Variants in SEMA3A observed in about 807,000 individuals in gnomAD.
SEMA3A encodes semaphorin 3A, also known as semaphorin-3A.
A neutral mutation model predicts 97.9 loss-of-function variants in SEMA3A; 29 were observed. The observed-to-expected ratio is 0.30, with a 90% CI of 0.22 to 0.40. The LOEUF (loss-of-function observed/expected upper bound fraction) is 0.40, where lower values mean the gene tolerates loss of function less well. Ranked by LOEUF, SEMA3A falls within the 10% of genes least tolerant of loss-of-function variation. SEMA3A has a pLI of 1.00. For synonymous variants in SEMA3A, 321 were observed against 323.7 expected (o/e 0.99, Z 0.09); for missense variants, 763 against 951.3 (o/e 0.80, Z 2.60).
intron 3 of SEMA3A, among the ~76,000 whole-genome samples, chr7:84,278,665 G>A (rs1800368953): frequency 3.3e-5 from 5 of 152,042 alleles, no homozygotes; most frequent in Admixed American, 3.3e-4. Context: ...AGGGCAGGCA[G>A]AGCACATGGT....
chr7:84,386,521 G>T (rs917435676), intron 1 of SEMA3A, among the ~76,000 whole-genome samples: 1 of 152,026 alleles, frequency 6.6e-6, no homozygotes, highest in Admixed American at 6.6e-5. Context: ...AATTGTAAGG[G>T]TATCTAAGAA....
rs892503941 is a variant in SEMA3A, at chr7:83,988,864, T to A, written c.1453-3387A>T. 6.6e-5 allele frequency among the ~76,000 whole-genome samples: 10 copies of A among 150,942 alleles called. No individual in the cohort carries two copies. The East Asian group carries it at 7.8e-4, about 12-fold the overall frequency. ...CAACACATCATGGATATTCAGCTTT[T>A]TTTTTTTTTTTTTCTGACAGAGTCT... On this transcript the variant is annotated intron_variant, in intron 12 of 16. Transcript: ENST00000265362.
chr7:84,130,155 G>T (rs959985052), intron 2 of SEMA3A, among the ~76,000 whole-genome samples: 1 of 151,918 alleles, frequency 6.6e-6, no homozygotes, highest in Non-Finnish European at 1.5e-5. Context: ...TGGGAAAAAA[G>T]TCATATATAA....
chr7:84,371,921 A>G (rs1290947445), intron 1 of SEMA3A: 4 of 152,066 alleles, frequency 2.6e-5, no homozygotes, highest in African/African-American at 9.7e-5. Flanking sequence ...AAGCAAACAA[A>G]TAATTTATAA....
At chr7:84,127,095 A>G (rs146610480) in intron 3 of SEMA3A, among the ~76,000 whole-genome samples, 1 of 152,106 alleles carries the variant, frequency 6.6e-6, no homozygotes, top group East Asian at 1.9e-4. Context: ...CTTTCAGTTG[A>G]CAGATTCTCT....
chr7:83,977,663 TTCTC>T (rs1210758924), intron 14 of SEMA3A, among the ~76,000 whole-genome samples: 2 of 152,070 alleles, frequency 1.3e-5, no homozygotes, highest in Non-Finnish European at 2.9e-5. Context: ...AATGTTCTCT[TTCTC>T]TAAATGCTTA....
chr7:83,963,694 T>C (rs1198800146), intron 15 of SEMA3A, among the ~76,000 whole-genome samples: 2 of 152,232 alleles, frequency 1.3e-5, no homozygotes, highest in Non-Finnish European at 2.9e-5. Context: ...AACTCTGTGC[T>C]TGGACTAATA....
chr7:84,373,540 G>A (rs1803024837), intron 1 of SEMA3A, among the ~76,000 whole-genome samples: 1 of 152,120 alleles, frequency 6.6e-6, no homozygotes, highest in Non-Finnish European at 1.5e-5. Context: ...TGATCACACA[G>A]TAATTTATGA....
intron 3 of SEMA3A, among the ~76,000 whole-genome samples, chr7:84,301,973 T>C (rs60828527): frequency 0.025 from 3,789 of 152,228 alleles, 163 homozygotes; most frequent in African/African-American, 0.087. Context: ...AAGACTTGTA[T>C]ACAAATACTC....
intron 15 of SEMA3A, among the ~76,000 whole-genome samples, chr7:83,965,668 T>TA (rs1562943642): frequency 5.4e-4 from 12 of 22,392 alleles, no homozygotes; most frequent in East Asian, 2.5e-3. Flanking sequence ...ATATATATAT[T>TA]TTTTTTTTTT....
chr7:83,998,076 A>G (rs899187788), intron 12 of SEMA3A, among the ~76,000 whole-genome samples: 8 of 151,574 alleles, frequency 5.3e-5, no homozygotes, highest in South Asian at 2.1e-4. Flanking sequence ...TATCACAGGT[A>G]TAAGTCGGTT....
chr7:84,476,248 C>T (rs1478881670), intron 1 of SEMA3A, among the ~76,000 whole-genome samples: 1 of 151,626 alleles, frequency 6.6e-6, no homozygotes, highest in East Asian at 1.9e-4. Flanking sequence ...ATCCCAGCTA[C>T]TCAGGAGGGC....
chr7:84,208,318 G>A (rs1024331312), intron 3 of SEMA3A, among the ~76,000 whole-genome samples: 14 of 151,850 alleles, frequency 9.2e-5, no homozygotes, highest in African/African-American at 3.1e-4. Flanking sequence ...TGGGTGTGGT[G>A]GCGGGCGCCT....
chr7:84,114,540 C>T (rs551546183), intron 3 of SEMA3A, among the ~76,000 whole-genome samples: 1 of 152,166 alleles, frequency 6.6e-6, no homozygotes, highest in East Asian at 1.9e-4. Flanking sequence ...GCAAAGGAAA[C>T]CTTTTCCTAT....
intron 3 of SEMA3A, among the ~76,000 whole-genome samples, chr7:84,264,037 A>G (rs1799927283): frequency 1.3e-5 from 2 of 152,204 alleles, no homozygotes; most frequent in Non-Finnish European, 2.9e-5. Context: ...CAGCATTATC[A>G]CTACTGCAAC....
rs569557372 is a variant in SEMA3A, at chr7:84,487,523, T to A, written c.-246+4937A>T. On this transcript the variant is annotated intron_variant, in intron 1 of 3. Transcript: ENST00000424555. Reference sequence around the variant, plus strand: ...CTGGTAAAAGGCTTGTAATGTCAAGTAAGAACAGAAAGAGGGAGAGAAACA... The same window carrying A: ...CTGGTAAAAGGCTTGTAATGTCAAGAAAGAACAGAAAGAGGGAGAGAAACA... Among the ~76,000 whole-genome samples, 10 of 152,230 alleles carry A rather than the reference T, an allele frequency of 6.6e-5. No homozygotes were observed. In the East Asian group the frequency reaches 1.9e-3, roughly 29 times the overall value.
chr7:83,986,699 C>T (rs903466175), intron 12 of SEMA3A, among the ~76,000 whole-genome samples: 6 of 151,962 alleles, frequency 3.9e-5, no homozygotes, highest in East Asian at 3.9e-4. Flanking sequence ...TGTAGGTGAC[C>T]GAAGCTACTA....
intron 3 of SEMA3A, among the ~76,000 whole-genome samples, chr7:84,260,388 G>T (rs1799820128): frequency 6.6e-6 from 1 of 152,092 alleles, no homozygotes; most frequent in African/African-American, 2.4e-5. Flanking sequence ...CCAGGAACAG[G>T]CGAGAGCCCC....
chr7:84,023,009 T>C (rs1033911675), intron 6 of SEMA3A, among the ~76,000 whole-genome samples: 1 of 152,194 alleles, frequency 6.6e-6, no homozygotes, highest in African/African-American at 2.4e-5. Context: ...CCTTTATACC[T>C]TTACCACCCC....
Sources: gnomAD v4.1 joint callset for allele counts (sites outside exome capture counted in the v4.1 genomes callset) on GRCh38, gnomAD v4.1.1 for gene constraint, MANE v1.5 for transcripts, NCBI Gene and HGNC (gene_info 2026-07-23, HGNC 2026-07-21) for gene names.